EXOC4: variants seen among roughly 807,000 people sequenced by gnomAD.
EXOC4 encodes SEC8-like 1.
In EXOC4, 71 loss-of-function variants were observed where a neutral mutation model predicts 107.2. The observed-to-expected ratio is 0.66, with a 90% CI of 0.55 to 0.81. The LOEUF (loss-of-function observed/expected upper bound fraction) is 0.81. Ranked by LOEUF, EXOC4 falls within the 30% of genes least tolerant of loss-of-function variation. The pLI is 0.00. For synonymous variants in EXOC4, 456 were observed against 441.2 expected (o/e 1.03, Z -0.42); for missense variants, 1,108 against 1,189.6 (o/e 0.93, Z 1.01).
At chr7:133,777,094 T>C (rs1796360381) in intron 10 of EXOC4, among the ~76,000 whole-genome samples, 1 of 152,092 alleles carries the variant, frequency 6.6e-6, no homozygotes, top group African/African-American at 2.4e-5. Context: ...TATTTTGTTG[T>C]TGATTTTTTA....
chr7:133,336,063 A>G (rs1314197500), intron 5 of EXOC4, among the ~76,000 whole-genome samples: 1 of 152,172 alleles, frequency 6.6e-6, no homozygotes, highest in East Asian at 1.9e-4. Flanking sequence ...GTTGAGTGGC[A>G]GAGGCTCTTT....
At chr7:133,613,154 T>A (rs1341034976) in intron 9 of EXOC4, among the ~76,000 whole-genome samples, 1 of 152,112 alleles carries the variant, frequency 6.6e-6, no homozygotes, top group Non-Finnish European at 1.5e-5. Context: ...TTTTTATCAT[T>A]TATTAGAAAA....
intron 12 of EXOC4, among the ~76,000 whole-genome samples, chr7:133,905,698 A>G (rs1375761968): frequency 6.6e-6 from 1 of 152,116 alleles, no homozygotes; most frequent in Non-Finnish European, 1.5e-5. Flanking sequence ...GGCAGAGAAT[A>G]CAAATAAAAC....
Position 134,007,764 on chromosome 7 carries a change from G to A in EXOC4, c.2616G>A (p.Arg872=). Residue 872 remains arginine (R), a synonymous_variant, in exon 17 of 18, where the codon AGG becomes AGA. Transcript: ENST00000253861. ...ISESGIKKMC[R]NIFVLQQNLT... is the part of the protein sequence containing the mutation. ...AGTCTGGCATCAAGAAAATGTGTAG[G>A]AACATTTTTGTTCTTCAGCAGAATT... The A allele has an allele frequency of 6.2e-7, 1 of 1,613,494 alleles. No individual in the cohort carries two copies. The highest frequency in any genetic ancestry group is 8.5e-7 in the Non-Finnish European group (1 of 1,179,674).
intron 5 of EXOC4, among the ~76,000 whole-genome samples, chr7:133,320,005 A>G (rs767816299): frequency 2.8e-4 from 42 of 152,160 alleles, no homozygotes; most frequent in Non-Finnish European, 5.3e-4. Flanking sequence ...CAACAATTTT[A>G]TAACAATTTA....
intron 2 of EXOC4, among the ~76,000 whole-genome samples, chr7:133,284,845 G>A (rs1794239007): frequency 6.6e-6 from 1 of 152,006 alleles, no homozygotes; most frequent in Admixed American, 6.6e-5. Context: ...TGAGAGATAT[G>A]TTTAAAAGTC....
rs551373918 is a variant in EXOC4, at chr7:133,378,656, A to G, written c.1182+3654A>G. ...GTTTAGGGTAGCCTATGATAAGTTAAGGATGCATATTTCAATCCCTAGAGC... is the reference window on the plus strand; with the variant it reads ...GTTTAGGGTAGCCTATGATAAGTTAGGGATGCATATTTCAATCCCTAGAGC... On this transcript the variant is annotated intron_variant, in intron 7 of 17. Transcript: ENST00000253861. Among the ~76,000 whole-genome samples, 7 of 152,276 alleles carry G rather than the reference A, an allele frequency of 4.6e-5. 1 individual carries two copies. The highest frequency in any genetic ancestry group is 4.6e-4 in the Admixed American group (7 of 15,282).
At chr7:133,581,559 C>A (rs1801271080) in intron 9 of EXOC4, among the ~76,000 whole-genome samples, 1 of 151,232 alleles carries the variant, frequency 6.6e-6, no homozygotes, top group African/African-American at 2.4e-5. Flanking sequence ...GAGATCGAGA[C>A]CATCCTGGCT....
chr7:133,336,724 A>AT (rs1162302387), intron 5 of EXOC4, among the ~76,000 whole-genome samples: 1,303 of 85,390 alleles, frequency 0.015, 19 homozygotes, highest in African/African-American at 0.078. Flanking sequence ...ATTTTATTTT[A>AT]TTTATTTTAT....
intron 3 of EXOC4, among the ~76,000 whole-genome samples, chr7:133,298,433 T>C (rs912452956): frequency 2.0e-5 from 3 of 152,132 alleles, no homozygotes; most frequent in Non-Finnish European, 2.9e-5. Context: ...TAACATGACA[T>C]GGTGAGTGAC....
intron 9 of EXOC4, among the ~76,000 whole-genome samples, chr7:133,599,080 T>C (rs1398572896): frequency 6.6e-6 from 1 of 152,210 alleles, no homozygotes; most frequent in African/African-American, 2.4e-5. Context: ...AGTTTTAAAA[T>C]GTGACTACCT....
chr7:133,654,183 C>A (rs1174100626), intron 10 of EXOC4, among the ~76,000 whole-genome samples: 1 of 152,046 alleles, frequency 6.6e-6, no homozygotes, highest in Non-Finnish European at 1.5e-5. Flanking sequence ...AAAGAATATA[C>A]CTTAGTAGGA....
In EXOC4 at chr7:133,678,605, C is replaced by CT. The variant is rs879722356; in HGVS notation, c.1514+48477dup. Among the ~76,000 whole-genome samples the CT allele has an allele frequency of 1.4e-3, 211 of 145,572 alleles. 1 individual carries two copies. The highest frequency in any genetic ancestry group is 4.8e-3 in the East Asian group (24 of 5,026). On this transcript the variant is annotated intron_variant, in intron 10 of 17. Transcript: ENST00000253861. ...GCAAGCTCTTGATTGCTCCCACCCT[C>CT]TTTTTTTTTTTTTCTTCTTTGTTGA...
chr7:134,036,010 A>G (rs2116501741), intron 17 of EXOC4, among the ~76,000 whole-genome samples: 1 of 152,304 alleles, frequency 6.6e-6, no homozygotes, highest in South Asian at 2.1e-4. Context: ...ACTCTTCAGC[A>G]GATTTGATTT....
intron 7 of EXOC4, among the ~76,000 whole-genome samples, chr7:133,407,737 T>C (rs1797255553): frequency 6.6e-6 from 1 of 152,192 alleles, no homozygotes; most frequent in East Asian, 1.9e-4. Flanking sequence ...GGACCATTTC[T>C]CCTTGAAGGA....
chr7:133,596,355 G>A (rs1801675011), intron 9 of EXOC4, among the ~76,000 whole-genome samples: 2 of 152,146 alleles, frequency 1.3e-5, no homozygotes, highest in Admixed American at 6.5e-5. Flanking sequence ...TACAACTAGG[G>A]AAAATGTGCA....
intron 9 of EXOC4, among the ~76,000 whole-genome samples, chr7:133,603,334 A>G (rs1801851323): frequency 6.6e-6 from 1 of 152,188 alleles, no homozygotes; most frequent in Non-Finnish European, 1.5e-5. Context: ...TAATTTTTAA[A>G]CTCAAATGCA....
At chr7:133,828,071 A>G (rs999190424) in intron 11 of EXOC4, among the ~76,000 whole-genome samples, 11 of 152,162 alleles carry the variant, frequency 7.2e-5, no homozygotes, top group African/African-American at 2.4e-4. Flanking sequence ...TTGATTGGCT[A>G]CTGTCCATTT....
At chr7:133,713,256 T>C (rs555825261) in intron 10 of EXOC4, among the ~76,000 whole-genome samples, 1 of 152,230 alleles carries the variant, frequency 6.6e-6, no homozygotes, top group African/African-American at 2.4e-5. Flanking sequence ...TTCTACAGAG[T>C]TGCCTAAGTA....
Sources: gnomAD v4.1 joint callset for allele counts (sites outside exome capture counted in the v4.1 genomes callset) on GRCh38, gnomAD v4.1.1 for gene constraint, MANE v1.5 for transcripts, NCBI Gene and HGNC (gene_info 2026-07-23, HGNC 2026-07-21) for gene names.